Variants in QTGAL observed in about 807,000 individuals in gnomAD.
The protein encoded by QTGAL is BGnT-like protein 1.
chr17:83,005,283 T>C, the QTGAL span: 2 of 1,232,222 alleles, frequency 1.6e-6, no homozygotes, highest in Non-Finnish European at 2.3e-6. The surrounding 1 kb of genome is among the most constrained non-coding windows in gnomAD (Gnocchi z 5.6). Flanking sequence ...CCTGTGTGTA[T>C]TCATCTCACA....
the QTGAL span, among the ~76,000 whole-genome samples, chr17:82,970,637 TCCGCACCCGGTGTGGCC>T: frequency 1.9e-5 from 2 of 107,794 alleles, no homozygotes; most frequent in African/African-American, 3.7e-5. Context: ...GGCCGCGACC[TCCGCACCCGGTGTGGCC>T]GCGACCTCCG....
At chr17:82,996,324 C>T in the QTGAL span, among the ~76,000 whole-genome samples, 1 of 152,016 alleles carries the variant, frequency 6.6e-6, no homozygotes, top group Non-Finnish European at 1.5e-5. Context: ...GAGTTTGAGA[C>T]CAGCCCTGGC....
At chr17:83,000,896 C>A in the QTGAL span, among the ~76,000 whole-genome samples, 1 of 152,184 alleles carries the variant, frequency 6.6e-6, no homozygotes, top group African/African-American at 2.4e-5. Flanking sequence ...TTTACCTGAG[C>A]CTCCAGCAAA....
At chr17:82,950,953 G>A in the QTGAL span, among the ~76,000 whole-genome samples, 7 of 152,270 alleles carry the variant, frequency 4.6e-5, no homozygotes, top group Non-Finnish European at 8.8e-5. Flanking sequence ...AGAATCCTAG[G>A]ATTCTCAGAA....
chr17:82,977,351 C>A, the QTGAL span, among the ~76,000 whole-genome samples: 2 of 152,158 alleles, frequency 1.3e-5, no homozygotes, highest in African/African-American at 4.8e-5. Context: ...TAACACCCCC[C>A]ACCCACCGGA....
chr17:83,006,948 T>C, the QTGAL span: 69 of 522,342 alleles, frequency 1.3e-4, no homozygotes, highest in Middle Eastern at 4.9e-3. The surrounding 1 kb of genome is among the most constrained non-coding windows in gnomAD (Gnocchi z 5.8). Flanking sequence ...TCACCCTCAG[T>C]GATGCATGAG....
the QTGAL span, among the ~76,000 whole-genome samples, chr17:83,044,466 A>G: frequency 6.6e-6 from 1 of 152,238 alleles, no homozygotes; most frequent in South Asian, 2.1e-4. Context: ...TCAACAGACT[A>G]GAATTAAAAG....
chr17:82,947,244 G>C, the QTGAL span: 1 of 486,952 alleles, frequency 2.1e-6, no homozygotes, highest in East Asian at 3.3e-5. Flanking sequence ...TAAGGTGGCT[G>C]ACTCTCCCTG....
chr17:83,047,765 A>G, the QTGAL span, among the ~76,000 whole-genome samples: 13 of 148,588 alleles, frequency 8.7e-5, 2 homozygotes, highest in East Asian at 1.6e-3. Context: ...CTACCAAAGA[A>G]TAAGAAATTT....
At chr17:82,970,543 CG>C in the QTGAL span, among the ~76,000 whole-genome samples, 215 of 133,182 alleles carry the variant, frequency 1.6e-3, 8 homozygotes, top group African/African-American at 2.7e-3. Flanking sequence ...CCGCGACCTC[CG>C]CACCCGGCGT....
chr17:82,997,943 A>C, the QTGAL span, among the ~76,000 whole-genome samples: 13 of 148,408 alleles, frequency 8.8e-5, no homozygotes, highest in Middle Eastern at 3.5e-3. Flanking sequence ...ATATATATAT[A>C]TATATCTATA....
the QTGAL span, among the ~76,000 whole-genome samples, chr17:82,951,894 T>G: frequency 6.6e-6 from 1 of 151,182 alleles, no homozygotes; most frequent in Non-Finnish European, 1.5e-5. Context: ...CGCCCCGAGA[T>G]AGTAGTGACA....
At chr17:82,971,212 A>T in the QTGAL span, among the ~76,000 whole-genome samples, 3 of 152,204 alleles carry the variant, frequency 2.0e-5, no homozygotes, top group African/African-American at 7.2e-5. Context: ...GGACGTTTCT[A>T]TCGGACAGAA....
chr17:82,952,679 C>A, the QTGAL span, among the ~76,000 whole-genome samples: 1 of 152,200 alleles, frequency 6.6e-6, no homozygotes, highest in African/African-American at 2.4e-5. Context: ...AGGACTTGAA[C>A]GCAGCTCTGG....
At chr17:82,946,855 TG>T in the QTGAL span, 1 of 1,500,516 alleles carries the variant, frequency 6.7e-7, no homozygotes, top group East Asian at 2.5e-5. Flanking sequence ...CAAACCCAGA[TG>T]GTTCTTCGGT....
the QTGAL span, among the ~76,000 whole-genome samples, chr17:82,986,273 G>T: frequency 1.0e-3 from 156 of 152,316 alleles, 1 homozygote; most frequent in African/African-American, 3.5e-3. Context: ...CCACAGAGCA[G>T]CCTCTGTTCC....
chr17:83,048,788 G>T, the QTGAL span: 1 of 1,608,208 alleles, frequency 6.2e-7, no homozygotes, highest in Non-Finnish European at 8.5e-7. Flanking sequence ...ATAATAGACT[G>T]GAATTCAAAA....
the QTGAL span, among the ~76,000 whole-genome samples, chr17:83,000,528 GT>G: frequency 0.012 from 1,843 of 152,264 alleles, 42 homozygotes; most frequent in African/African-American, 0.042. Flanking sequence ...TTGTATGCAT[GT>G]TAAGTTTTGA....
chr17:83,048,972 TAC>T, the QTGAL span: 335 of 595,042 alleles, frequency 5.6e-4, 4 homozygotes, highest in South Asian at 6.9e-3. Context: ...AACTGCCTTC[TAC>T]ATGTTTTTGA....
Sources: gnomAD v4.1 joint callset for allele counts (sites outside exome capture counted in the v4.1 genomes callset) on GRCh38, gnomAD v4.1.1 for gene constraint, Gnocchi (gnomAD v3.1) non-coding constraint, MANE v1.5 for transcripts, NCBI Gene and HGNC (gene_info 2026-07-23, HGNC 2026-07-21) for gene names.